Variants in TAF2 observed in about 807,000 individuals in gnomAD.
TAF2 encodes the protein transcription initiation factor TFIID subunit 2.
A neutral mutation model predicts 138.5 loss-of-function variants in TAF2; 61 were observed. That is an observed-to-expected ratio of 0.44 (90% CI 0.36 to 0.54). TAF2 has a LOEUF of 0.54. Among genes scored for constraint, TAF2 ranks in the 20% least tolerant of loss-of-function variants. The pLI, the probability that TAF2 is intolerant of heterozygous loss-of-function variation, is 0.00. For missense variants in TAF2, 1,090 were observed against 1,427.9 expected, an observed-to-expected ratio of 0.76 and a Z score of 3.81; for synonymous variants, 475 against 469.9, an observed-to-expected ratio of 1.01 and a Z score of -0.14.
At chr8:119,831,160 T>A (rs1826420977) in intron 2 of TAF2, among the ~76,000 whole-genome samples, 1 of 152,042 alleles carries the variant, frequency 6.6e-6, no homozygotes, top group African/African-American at 2.4e-5. Flanking sequence ...TTCCTAAAAT[T>A]GATTATATCA....
intron 18 of TAF2, among the ~76,000 whole-genome samples, chr8:119,772,117 T>TA (rs962408076): frequency 2.6e-5 from 4 of 151,300 alleles, no homozygotes; most frequent in African/African-American, 7.3e-5. Flanking sequence ...TCAAGACAAA[T>TA]AAAAAAAAGA....
At chr8:119,827,412 T>A (rs1399826578) in intron 2 of TAF2, among the ~76,000 whole-genome samples, 2 of 152,208 alleles carry the variant, frequency 1.3e-5, no homozygotes, top group Non-Finnish European at 2.9e-5. Context: ...CATCTCAATT[T>A]AATAACCCCA....
At position 119,731,334 on chromosome 8, in the gene TAF2, C is replaced by A. The variant is rs1801074954; in HGVS notation, c.*590G>T. The A allele has an allele frequency of 6.6e-6, 1 of 152,158 alleles. No homozygotes were observed. The highest frequency in any genetic ancestry group is 2.1e-4 in the South Asian group (1 of 4,828). The allele number at this position is 152,158 out of a possible 1,614,324, so 9.4% of individuals were successfully genotyped here. ...ATTTTTTTAAAAAAGAATTGCTTCC[C>A]CAAATCTCAGTATTTTAGAGCAAAA... On this transcript the variant is annotated 3_prime_UTR_variant, in exon 26 of 26. Coordinates refer to ENST00000378164, the MANE Select transcript of TAF2 (RefSeq NM_003184.4).
chr8:119,732,992 G>A (rs1029421247), intron 25 of TAF2, among the ~76,000 whole-genome samples: 1 of 151,968 alleles, frequency 6.6e-6, no homozygotes, highest in African/African-American at 2.4e-5. Flanking sequence ...ACCAAACACA[G>A]ATTGAAAATA....
In TAF2 at chr8:119,807,122, C is replaced by A. The variant is rs542533632; in HGVS notation, c.300-721G>T. ...TTGACAAAAATTAAGATGTTTAAAACAAATCAGGATGGGACTCAGTTCCTC... is the reference window on the plus strand; with the variant it reads ...TTGACAAAAATTAAGATGTTTAAAAAAAATCAGGATGGGACTCAGTTCCTC... On this transcript the variant is annotated intron_variant, in intron 3 of 25. Coordinates refer to ENST00000378164, the MANE Select transcript of TAF2 (RefSeq NM_003184.4). 5.3e-5 allele frequency among the ~76,000 whole-genome samples: 8 copies of A among 152,264 alleles called. No homozygotes were observed. In the South Asian group the frequency reaches 1.7e-3, roughly 32 times the overall value.
At chr8:119,755,936 A>G in intron 22 of TAF2, 70 bp downstream of exon 22, 1 of 1,268,906 alleles carries the variant, frequency 7.9e-7, no homozygotes, top group Non-Finnish European at 1.1e-6. Flanking sequence ...ATGCTATTGA[A>G]TTGAAAATCT....
At chr8:119,829,835 T>C (rs1030564889) in intron 2 of TAF2, among the ~76,000 whole-genome samples, 1 of 151,786 alleles carries the variant, frequency 6.6e-6, no homozygotes, top group African/African-American at 2.4e-5. Flanking sequence ...CTTAAGAAAG[T>C]TACTTAACCT....
At chr8:119,814,993 G>A (rs1825356210) in intron 3 of TAF2, among the ~76,000 whole-genome samples, 1 of 151,794 alleles carries the variant, frequency 6.6e-6, no homozygotes, top group African/African-American at 2.4e-5. Context: ...TGTAATCCCA[G>A]AACTTTGGGA....
At chr8:119,746,603 G>C in intron 23 of TAF2, 102 bp downstream of exon 23, 8 of 1,213,622 alleles carry the variant, frequency 6.6e-6, no homozygotes, top group Non-Finnish European at 3.7e-6. Flanking sequence ...ACAAGAAACT[G>C]TGTTAGTGGC....
intron 2 of TAF2, among the ~76,000 whole-genome samples, chr8:119,822,681 C>T (rs1247335634): frequency 6.6e-6 from 1 of 152,128 alleles, no homozygotes; most frequent in Non-Finnish European, 1.5e-5. Context: ...CTCTGAAAAG[C>T]ACTTCATCAC....
intron 6 of TAF2, 84 bp from the exon 7 acceptor site, chr8:119,797,930 T>C: frequency 8.1e-7 from 1 of 1,229,998 alleles, no homozygotes; most frequent in Non-Finnish European, 1.2e-6. Flanking sequence ...CAACTATAAA[T>C]AAATGTTCTC....
chr8:119,759,934 A>G lies in TAF2; in HGVS notation c.2698+665T>C, dbSNP rs886641031. Among the ~76,000 whole-genome samples, 5 of 152,072 alleles carry G rather than the reference A, an allele frequency of 3.3e-5. No individual in the cohort carries two copies. In the East Asian group the frequency reaches 9.6e-4, roughly 29 times the overall value. ...ACACTATTCTTTTGCCTTGCACCAT[A>G]ATCTGGTTCTGATAGTCCTAGAAAC... On this transcript the variant is annotated intron_variant, in intron 20 of 25. Transcript: ENST00000378164.
intron 22 of TAF2, among the ~76,000 whole-genome samples, chr8:119,747,970 A>G (rs1377066059): frequency 6.6e-6 from 1 of 152,130 alleles, no homozygotes; most frequent in African/African-American, 2.4e-5. Context: ...CTAAAAATAC[A>G]AAAATTAGCT....
rs370825215 is a variant in TAF2 at position 119,737,772 on chromosome 8, T to C, written c.3337+4762A>G. 1.8e-4 allele frequency among the ~76,000 whole-genome samples: 27 copies of C among 152,188 alleles called. No individual in the cohort carries two copies. The East Asian group carries it at 3.1e-3, about 17-fold the overall frequency. ...GATCCCCCACCTTGGCCTCCCAAAG[T>C]GCTAGGATTACAGGCGTGAGCCACC... On this transcript the variant is annotated intron_variant, in intron 25 of 25. Coordinates refer to ENST00000378164, the MANE Select transcript of TAF2 (RefSeq NM_003184.4).
chr8:119,800,453 T>C (rs1824176902), intron 6 of TAF2, among the ~76,000 whole-genome samples: 1 of 152,196 alleles, frequency 6.6e-6, no homozygotes, highest in Non-Finnish European at 1.5e-5. Flanking sequence ...CAGATGGTTG[T>C]AGATGTGTGG....
intron 3 of TAF2, among the ~76,000 whole-genome samples, chr8:119,818,276 A>G (rs1007797107): frequency 6.6e-6 from 1 of 152,222 alleles, no homozygotes; most frequent in African/African-American, 2.4e-5. Context: ...ACTGGCCTGT[A>G]GAACAAGTTC....
chr8:119,735,452 A>G (rs1434530181), intron 25 of TAF2, among the ~76,000 whole-genome samples: 3 of 152,222 alleles, frequency 2.0e-5, no homozygotes, highest in Non-Finnish European at 2.9e-5. Context: ...ATTATAGCTC[A>G]TCCATTCAAG....
At chr8:119,778,252 A>G in intron 17 of TAF2, 123 bp from the exon 18 acceptor site, 1 of 605,072 alleles carries the variant, frequency 1.7e-6, no homozygotes, top group African/African-American at 1.9e-5. Context: ...ATGGAGCCTA[A>G]CACCTCCACA....
chr8:119,815,099 T>C (rs1442811683), intron 3 of TAF2, among the ~76,000 whole-genome samples: 4 of 150,764 alleles, frequency 2.7e-5, no homozygotes, highest in African/African-American at 4.9e-5. Context: ...CTGACCAATA[T>C]GGTGAAACCC....
Sources: gnomAD v4.1 joint callset for allele counts (sites outside exome capture counted in the v4.1 genomes callset) on GRCh38, gnomAD v4.1.1 for gene constraint, MANE v1.5 for transcripts, NCBI Gene and HGNC (gene_info 2026-07-23, HGNC 2026-07-21) for gene names.